The following ZNF324B variants were observed in gnomAD, a reference collection of about 807,000 sequenced individuals.
ZNF324B encodes zinc finger protein 324B.
Under a neutral mutation model 10.6 loss-of-function variants are expected in ZNF324B, and 7 were observed. The ratio of observed to expected loss-of-function variants is 0.66; its 90% CI spans 0.38 to 1.24. ZNF324B has a LOEUF of 1.24. ZNF324B is among the 50% of genes most tolerant of loss of function. The pLI, the probability that ZNF324B is intolerant of heterozygous loss-of-function variation, is 0.02. For missense variants in ZNF324B, 640 were observed against 764.7 expected, an observed-to-expected ratio of 0.84 and a Z score of 1.92; for synonymous variants, 316 against 321.0, an observed-to-expected ratio of 0.98 and a Z score of 0.17.
At chr19:58,420,046 C>T in the ZNF324B span, among the ~76,000 whole-genome samples, 2 of 152,136 alleles carry the variant, frequency 1.3e-5, no homozygotes, top group Non-Finnish European at 1.5e-5. Flanking sequence ...CTTTGGGAGG[C>T]CAAGGTGGGC....
the ZNF324B span, among the ~76,000 whole-genome samples, chr19:58,431,700 A>C: frequency 6.6e-6 from 1 of 152,188 alleles, no homozygotes; most frequent in African/African-American, 2.4e-5. Context: ...AGCTTTTTAA[A>C]ATAGGTGCCG....
the ZNF324B span, chr19:58,441,255 C>T: frequency 6.6e-6 from 1 of 152,300 alleles, no homozygotes; most frequent in Admixed American, 6.5e-5. Flanking sequence ...GAAAGTATTT[C>T]AGTGGTTGCT....
At chr19:58,442,409 C>T in the ZNF324B span, 1 of 151,508 alleles carries the variant, frequency 6.6e-6, no homozygotes, top group Non-Finnish European at 1.5e-5. Flanking sequence ...CTCCTGACCT[C>T]ATGATCCACC....
upstream of ZNF324B, among the ~76,000 whole-genome samples, chr19:58,449,556 G>A (rs922676279): frequency 1.3e-5 from 2 of 152,240 alleles, no homozygotes; most frequent in Non-Finnish European, 2.9e-5. Context: ...AAGCCACAGA[G>A]CTGCAGCTGC....
chr19:58,451,522 A>T (rs970173148), upstream of ZNF324B: 3 of 474,340 alleles, frequency 6.3e-6, no homozygotes, highest in Non-Finnish European at 1.3e-5. Flanking sequence ...CGCGCCGAAA[A>T]ACAGGCAGGA....
chr19:58,444,974 T>C, the ZNF324B span: 1 of 179,954 alleles, frequency 5.6e-6, no homozygotes, highest in Non-Finnish European at 1.2e-5. Flanking sequence ...ATGAGCAAAA[T>C]TTTGCAAAAC....
the ZNF324B span, among the ~76,000 whole-genome samples, chr19:58,423,698 T>C: frequency 6.6e-6 from 1 of 152,082 alleles, no homozygotes; most frequent in Middle Eastern, 3.4e-3. Flanking sequence ...ACCAAAAGAG[T>C]GTGGTATTGG....
At position 58,456,438 on chromosome 19, in the gene ZNF324B, C is replaced by T. The variant is rs775285075; in HGVS notation, c.1494C>T (p.His498=). The T allele has an allele frequency of 1.2e-6, 2 of 1,613,252 alleles. No individual in the cohort carries two copies. Among genetic ancestry groups the T allele is most frequent in the Admixed American group, 3.3e-5 (2 of 60,006 alleles). ...TCCGTGAGCGCCCTGCCCTCTTGCA[C>T]CACCAGAGGATCCACACCACAGAGA... ...RAFRERPALL[H]HQRIHTTEKT... is the part of the protein sequence containing the mutation. The change falls in exon 4 of 4, where the codon CAC becomes CAT. Residue 498 remains histidine, a synonymous_variant. Transcript: ENST00000336614. The surrounding 1 kb of genome is among the most constrained non-coding windows in gnomAD (Gnocchi z 4.7).
rs996801037 is a variant in ZNF324B, at chr19:58,456,072, C to T, written c.1128C>T (p.Arg376=). ...CTTATGCTTGCGCACAGTGTGGCCG[C>T]CGCTTCTGCCGCAACTCGCACCTGA... ...GRPYACAQCG[R]RFCRNSHLIQ... is the part of the protein sequence containing the mutation. Residue 376 remains arginine, a synonymous_variant, in exon 4 of 4, where the codon CGC becomes CGT. Transcript: ENST00000336614. The surrounding 1 kb of genome is among the most constrained non-coding windows in gnomAD (Gnocchi z 4.7). The T allele has an allele frequency of 1.2e-6, 2 of 1,611,522 alleles. No homozygotes were observed. The highest frequency in any genetic ancestry group is 1.7e-6 in the Non-Finnish European group (2 of 1,179,860).
At chr19:58,441,939 T>G in the ZNF324B span, 1 of 152,272 alleles carries the variant, frequency 6.6e-6, no homozygotes, top group Non-Finnish European at 1.5e-5. Flanking sequence ...TACAGAGCTT[T>G]GTACTCCAGT....
chr19:58,450,324 G>A (rs577648246), upstream of ZNF324B, among the ~76,000 whole-genome samples: 46 of 152,088 alleles, frequency 3.0e-4, 1 homozygote, highest in African/African-American at 1.1e-3. Context: ...AATACACCAG[G>A]CATCGTGGCT....
In ZNF324B at chr19:58,454,846, A is replaced by G. The variant is rs1490645301; in HGVS notation, c.239-337A>G. On this transcript the variant is annotated intron_variant, in intron 3 of 3. Coordinates refer to ENST00000336614, the MANE Select transcript of ZNF324B (RefSeq NM_207395.3). ...GAGTGGGTGCCCAAGACGGGGCACCAGGGGAGAAGGGAGTGAGCTATGGAA... is the reference window on the plus strand; with the variant it reads ...GAGTGGGTGCCCAAGACGGGGCACCGGGGGAGAAGGGAGTGAGCTATGGAA... 8 of 528,868 alleles carry G rather than the reference A, an allele frequency of 1.5e-5. No individual in the cohort carries two copies. In the South Asian group the frequency reaches 1.6e-4, roughly 11 times the overall value. 32.8% of individuals were successfully genotyped at this position (528,868 alleles called of 1,614,324 possible).
Position 58,456,073 on chromosome 19 carries a change from C to T in ZNF324B, c.1129C>T (p.Arg377Cys), listed in dbSNP as rs1316993947. Residue 377 changes from arginine (R) to cysteine (C), a missense_variant, in exon 4 of 4, where the codon CGC becomes TGC. By Grantham distance (180) the Arg-to-Cys change is radical. Coordinates refer to ENST00000336614, the MANE Select transcript of ZNF324B (RefSeq NM_207395.3). This position sits in a 1 kb window ranked among gnomAD's most constrained non-coding sequence, Gnocchi z 4.7. ...TTATGCTTGCGCACAGTGTGGCCGCCGCTTCTGCCGCAACTCGCACCTGAT... is the reference window on the plus strand; with the variant it reads ...TTATGCTTGCGCACAGTGTGGCCGCTGCTTCTGCCGCAACTCGCACCTGAT... ...RPYACAQCGR[R>C]FCRNSHLIQH... 3.1e-6 allele frequency: 5 copies of T among 1,611,570 alleles called. No individual in the cohort carries two copies. Among genetic ancestry groups the T allele is most frequent in the South Asian group, 1.1e-5 (1 of 91,042 alleles).
chr19:58,419,893 C>T, the ZNF324B span, among the ~76,000 whole-genome samples: 1 of 152,176 alleles, frequency 6.6e-6, no homozygotes, highest in Non-Finnish European at 1.5e-5. Context: ...GCTCACTGCA[C>T]CCTTGACTCC....
At position 58,456,158 on chromosome 19, in the gene ZNF324B, C is replaced by G; in HGVS notation, c.1214C>G (p.Ala405Gly). The G allele has an allele frequency of 1.2e-6, 2 of 1,613,394 alleles. No individual in the cohort carries two copies. The highest frequency in any genetic ancestry group is 1.7e-6 in the Non-Finnish European group (2 of 1,179,776). Reference sequence around the variant, plus strand: ...TTCGTATGCGCGCTCTGCGGTGCTGCCTTCAGCCAGGGCTCCTCGCTCTTT... The same window carrying G: ...TTCGTATGCGCGCTCTGCGGTGCTGGCTTCAGCCAGGGCTCCTCGCTCTTT... ...KPFVCALCGA[A>G]FSQGSSLFLH... is the part of the protein sequence containing the mutation. Residue 405 changes from alanine (A) to glycine (G), a missense_variant, in exon 4 of 4, where the codon GCC (alanine) becomes GGC (glycine). Around this residue, in one of 3 missense-constraint regions of ZNF324B, gnomAD observed 238 missense variants for 258.0 expected, o/e 0.92. Transcript: ENST00000336614. This position sits in a 1 kb window ranked among gnomAD's most constrained non-coding sequence, Gnocchi z 4.7.
chr19:58,424,185 G>A, the ZNF324B span, among the ~76,000 whole-genome samples: 89 of 152,120 alleles, frequency 5.9e-4, no homozygotes, highest in Non-Finnish European at 8.8e-5. Context: ...GGAGGCGGAG[G>A]TTGCAGTGAG....
the ZNF324B span, among the ~76,000 whole-genome samples, chr19:58,439,358 C>T: frequency 6.6e-6 from 1 of 152,190 alleles, no homozygotes; most frequent in Non-Finnish European, 1.5e-5. Context: ...TCCATGGCTC[C>T]CACCACCATC....
chr19:58,422,012 G>A, the ZNF324B span, among the ~76,000 whole-genome samples: 1 of 152,146 alleles, frequency 6.6e-6, no homozygotes, highest in African/African-American at 2.4e-5. Flanking sequence ...CCGCGTCCCG[G>A]GTTCAAGCGA....
the ZNF324B span, among the ~76,000 whole-genome samples, chr19:58,425,070 G>A: frequency 6.6e-6 from 1 of 152,116 alleles, no homozygotes; most frequent in Non-Finnish European, 1.5e-5. Context: ...CATTGCCAAC[G>A]TAATGAAACC....
Sources: allele counts gnomAD v4.1 joint callset (sites outside exome capture counted in the v4.1 genomes callset), GRCh38; gene constraint gnomAD v4.1.1; regional missense constraint gnomAD v4.1.1; non-coding constraint Gnocchi (gnomAD v3.1); transcripts MANE v1.5; gene names NCBI Gene and HGNC (gene_info 2026-07-23, HGNC 2026-07-21).